Variants in TEK observed in about 807,000 individuals in gnomAD.
TEK encodes angiopoietin-1 receptor.
In TEK, 43 loss-of-function variants were observed where a neutral mutation model predicts 131.8. The observed-to-expected ratio is 0.33, with a 90% confidence interval of 0.26 to 0.42. The LOEUF (loss-of-function observed/expected upper bound fraction) is 0.42, where lower values mean the gene tolerates loss of function less well. Ranked by LOEUF, TEK falls within the 10% of genes least tolerant of loss-of-function variation. TEK has a pLI of 1.00. For missense variants in TEK, 1,162 were observed against 1,384.4 expected (o/e 0.84, Z 2.55); for synonymous variants, 580 against 491.6 (o/e 1.18, Z -2.38).
rs1824476725 is a variant in TEK at position 27,183,515 on chromosome 9, A to G, written c.1087A>G (p.Ser363Gly). Reference sequence around the variant, plus strand: ...TTTGCCAGATCATATAGAAGTAAACAGTGGTAAATTTAATCCCATTTGCAA... The same window carrying G: ...TTTGCCAGATCATATAGAAGTAAACGGTGGTAAATTTAATCCCATTTGCAA... Reference protein sequence around the residue: ...VDLPDHIEVNSGKFNPICKAS... With the variant: ...VDLPDHIEVNGGKFNPICKAS... Residue 363 changes from serine (S) to glycine (G), a missense_variant, in exon 8 of 23, where the codon AGT becomes GGT. Coordinates refer to ENST00000380036, the MANE Select transcript of TEK (RefSeq NM_000459.5). 1.9e-6 allele frequency: 3 copies of G among 1,613,976 alleles called. No individual in the cohort carries two copies. The highest frequency in any genetic ancestry group is 1.7e-6 in the Non-Finnish European group (2 of 1,179,878).
At chr9:27,172,770 T>G in intron 5 of TEK, 23 bp downstream of exon 5, 1 of 1,612,764 alleles carries the variant, frequency 6.2e-7, no homozygotes, top group Non-Finnish European at 8.5e-7. Flanking sequence ...ACTTGATAAG[T>G]AAGCTGTGGA....
intron 1 of TEK, among the ~76,000 whole-genome samples, chr9:27,130,518 A>C (rs1297510844): frequency 6.6e-6 from 1 of 152,162 alleles, no homozygotes; most frequent in Non-Finnish European, 1.5e-5. Flanking sequence ...AAAAATCAGC[A>C]CACTTGGCTA....
intron 12 of TEK, among the ~76,000 whole-genome samples, chr9:27,201,210 T>TC (rs1825201033): frequency 6.6e-6 from 1 of 150,570 alleles, no homozygotes; most frequent in African/African-American, 2.4e-5. Context: ...TATTGAGCTA[T>TC]CCCTAAGAAT....
At chr9:27,163,090 C>CT (rs1474320489) in intron 2 of TEK, among the ~76,000 whole-genome samples, 1 of 152,176 alleles carries the variant, frequency 6.6e-6, no homozygotes, top group Non-Finnish European at 1.5e-5. Flanking sequence ...CCCCTAGCAA[C>CT]TTCATATGTA....
At chr9:27,151,651 G>A (rs111836958) in intron 1 of TEK, among the ~76,000 whole-genome samples, 1,649 of 152,182 alleles carry the variant, frequency 0.011, 39 homozygotes, top group African/African-American at 0.038. Context: ...GTACCTGTCT[G>A]TATTTATGTG....
Position 27,192,396 on chromosome 9 carries a change from C to T in TEK, c.1490-93C>T, listed in dbSNP as rs141069036. Reference sequence around the variant, plus strand: ...TTCACTAAGACGTAGTTTTGAAAACCTAAAATTAGTTCACATCGCAATAAC... The same window carrying T: ...TTCACTAAGACGTAGTTTTGAAAACTTAAAATTAGTTCACATCGCAATAAC... On this transcript the variant is annotated intron_variant, in intron 10 of 22. Transcript: ENST00000380036. The T allele has an allele frequency of 4.9e-4, 740 of 1,504,210 alleles. 2 individuals carry two copies. In the African/African-American group the frequency reaches 9.1e-3, roughly 18 times the overall value. The allele number at this position is 1,504,210 out of a possible 1,614,324, so 93.2% of individuals were successfully genotyped here.
chr9:27,163,895 T>A (rs893509040), intron 2 of TEK, among the ~76,000 whole-genome samples: 2 of 152,238 alleles, frequency 1.3e-5, no homozygotes, highest in Non-Finnish European at 2.9e-5. Context: ...CACTTGTGTA[T>A]AACTTTTACT....
chr9:27,150,340 C>T (rs1333396775), intron 1 of TEK, among the ~76,000 whole-genome samples: 1 of 152,178 alleles, frequency 6.6e-6, no homozygotes, highest in Non-Finnish European at 1.5e-5. Flanking sequence ...GGCATGTTGG[C>T]TTATGCCTGT....
intron 9 of TEK, among the ~76,000 whole-genome samples, chr9:27,188,016 A>C (rs1824664040): frequency 1.3e-5 from 2 of 152,194 alleles, no homozygotes; most frequent in African/African-American, 4.8e-5. Flanking sequence ...CCATAAAATC[A>C]TGCAGAGGAA....
intron 7 of TEK, 151 bp downstream of exon 7, chr9:27,180,519 A>G (rs1421172118): frequency 4.2e-6 from 5 of 1,194,158 alleles, no homozygotes; most frequent in Non-Finnish European, 5.9e-6. Context: ...ATCCTAAAGC[A>G]CAGCATTTTA....
At chr9:27,193,700 C>T (rs1824909497) in intron 11 of TEK, among the ~76,000 whole-genome samples, 3 of 152,198 alleles carry the variant, frequency 2.0e-5, no homozygotes, top group South Asian at 4.1e-4. Context: ...TTTATATCAC[C>T]TAGGAAAGTA....
intron 1 of TEK, among the ~76,000 whole-genome samples, chr9:27,128,347 G>C (rs1822072586): frequency 1.3e-5 from 2 of 152,090 alleles, no homozygotes; most frequent in Non-Finnish European, 2.9e-5. Context: ...TATCTCTTTT[G>C]GTAGCAGTAC....
intron 1 of TEK, among the ~76,000 whole-genome samples, chr9:27,123,811 G>A (rs1821888889): frequency 6.8e-6 from 1 of 146,054 alleles, no homozygotes; most frequent in South Asian, 2.8e-4. Flanking sequence ...TAGTCTCACT[G>A]TGTCACCCAG....
At position 27,213,690 on chromosome 9, in the gene TEK, A is replaced by C. The variant is rs944190334; in HGVS notation, c.2991+93A>C. Reference sequence around the variant, plus strand: ...CTGAGACTGTCAGTGCTCTGTGGTGACTGAAGCATCTGACTGTATGTCCCA... The same window carrying C: ...CTGAGACTGTCAGTGCTCTGTGGTGCCTGAAGCATCTGACTGTATGTCCCA... On this transcript the variant is annotated intron_variant, in intron 18 of 22. Coordinates refer to ENST00000380036, the MANE Select transcript of TEK (RefSeq NM_000459.5). 18 of 934,590 alleles carry C rather than the reference A, an allele frequency of 1.9e-5. No individual in the cohort carries two copies. In the African/African-American group the frequency reaches 2.9e-4, roughly 15 times the overall value. The allele number at this position is 934,590 out of a possible 1,614,324, so 57.9% of individuals were successfully genotyped here.
intron 1 of TEK, among the ~76,000 whole-genome samples, chr9:27,143,298 A>G (rs1299124416): frequency 6.6e-6 from 1 of 152,172 alleles, no homozygotes; most frequent in Non-Finnish European, 1.5e-5. Context: ...TGGGAAAATA[A>G]ATAGCCTGAC....
intron 8 of TEK, among the ~76,000 whole-genome samples, chr9:27,184,968 T>A (rs981744627): frequency 9.9e-5 from 15 of 151,902 alleles, no homozygotes; most frequent in African/African-American, 3.6e-4. Flanking sequence ...GCCAGGAGTT[T>A]GAGGCTGCAG....
chr9:27,215,103 C>A (rs555366093), intron 18 of TEK, among the ~76,000 whole-genome samples: 3 of 152,160 alleles, frequency 2.0e-5, no homozygotes, highest in Admixed American at 2.0e-4. Flanking sequence ...CACAGGATAA[C>A]TCCACAATCT....
chr9:27,131,813 AAAAG>A (rs911798056), intron 1 of TEK, among the ~76,000 whole-genome samples: 62 of 152,188 alleles, frequency 4.1e-4, no homozygotes, highest in African/African-American at 1.4e-3. Flanking sequence ...TTTAAAAAAA[AAAAG>A]AAAGAAATTT....
chr9:27,122,579 A>C (rs145534411), intron 1 of TEK, among the ~76,000 whole-genome samples: 38 of 152,232 alleles, frequency 2.5e-4, no homozygotes, highest in African/African-American at 7.9e-4. Flanking sequence ...AGAGACACTT[A>C]TAAGAGCCTT....
Sources: allele counts gnomAD v4.1 joint callset (sites outside exome capture counted in the v4.1 genomes callset), GRCh38; gene constraint gnomAD v4.1.1; transcripts MANE v1.5; gene names NCBI Gene and HGNC (gene_info 2026-07-23, HGNC 2026-07-21).